The following CNR2 variants were observed in gnomAD, a reference collection of about 807,000 sequenced individuals.
CNR2 encodes the protein cannabinoid receptor 2.
For missense variants in CNR2, 379 were observed against 439.9 expected (o/e 0.86, Z 1.24); for synonymous variants, 172 against 182.2 (o/e 0.94, Z 0.45).
At chr1:23,894,460 GGAAGGAAGCAAGGAAGGAA>G (rs1346083524) in intron 1 of CNR2, among the ~76,000 whole-genome samples, 3 of 5,600 alleles carry the variant, frequency 5.4e-4, no homozygotes, top group African/African-American at 1.6e-3. Context: ...AAGGAAGGAA[GGAAGGAAGCAAGGAAGGAA>G]GGAAGCTAGG....
chr1:23,910,962 C>A (rs1356130596), intron 1 of CNR2, among the ~76,000 whole-genome samples: 1 of 152,110 alleles, frequency 6.6e-6, no homozygotes, highest in African/African-American at 2.4e-5. Context: ...CTGAGCAAGT[C>A]AACACTGCTG....
At chr1:23,906,786 A>G (rs1490842453) in intron 1 of CNR2, among the ~76,000 whole-genome samples, 2 of 151,894 alleles carry the variant, frequency 1.3e-5, no homozygotes, top group Non-Finnish European at 2.9e-5. Flanking sequence ...CAGCTACTTG[A>G]CAGACTCAGA....
At chr1:23,904,496 A>G (rs1226142600) in intron 1 of CNR2, among the ~76,000 whole-genome samples, 1 of 152,096 alleles carries the variant, frequency 6.6e-6, no homozygotes, top group Non-Finnish European at 1.5e-5. Context: ...TATAACAAGA[A>G]CTAAAAGGCC....
In CNR2 at chr1:23,874,873, G is replaced by T; in HGVS notation, c.745C>A (p.Leu249Ile). Residue 249 changes from leucine to isoleucine, a missense_variant, in exon 2 of 2, where the codon CTA (leucine) becomes ATA (isoleucine). By Grantham distance (5) the Leu-to-Ile change is conservative. Coordinates refer to ENST00000374472, the MANE Select transcript of CNR2 (RefSeq NM_001841.3). The part of the protein sequence containing the change: ...LDVRLAKTLG[L>I]VLAVLLICWF... ...CAGATGAGGAGCACAGCCAACACTA[G>T]CCCTAGGGTCTTGGCCAACCTCACA... The T allele has an allele frequency of 6.2e-7, 1 of 1,614,162 alleles. No homozygotes were observed. The highest frequency in any genetic ancestry group is 1.3e-5 in the African/African-American group (1 of 75,046).
chr1:23,890,888 T>A (rs1043976264), intron 1 of CNR2, among the ~76,000 whole-genome samples: 1 of 150,646 alleles, frequency 6.6e-6, no homozygotes, highest in Non-Finnish European at 1.5e-5. Context: ...CTTCTTTTTT[T>A]TTTTTTTGAA....
chr1:23,900,749 G>A (rs1261935503), intron 1 of CNR2, among the ~76,000 whole-genome samples: 3 of 151,600 alleles, frequency 2.0e-5, no homozygotes, highest in African/African-American at 4.9e-5. Context: ...CAGGTGAACC[G>A]CCCGCCTTGG....
chr1:23,907,573 C>A (rs911318862), intron 1 of CNR2, among the ~76,000 whole-genome samples: 2 of 151,418 alleles, frequency 1.3e-5, no homozygotes, highest in Non-Finnish European at 3.0e-5. Flanking sequence ...TCACTGCAAC[C>A]TCTGCCGCCC....
At chr1:23,902,626 C>G in intron 1 of CNR2, 1 of 1,600,126 alleles carries the variant, frequency 6.2e-7, no homozygotes, top group Non-Finnish European at 8.5e-7. Context: ...ACAGCCAGGA[C>G]GTACTTGTGG....
At chr1:23,887,819 TAA>T (rs55811335) in intron 1 of CNR2, among the ~76,000 whole-genome samples, 5 of 151,314 alleles carry the variant, frequency 3.3e-5, no homozygotes, top group Admixed American at 6.6e-5. Flanking sequence ...TAACCAAGGC[TAA>T]AAAAAAAATT....
chr1:23,879,355 C>T (rs1337230479), intron 1 of CNR2, among the ~76,000 whole-genome samples: 1 of 152,144 alleles, frequency 6.6e-6, no homozygotes, highest in East Asian at 1.9e-4. Flanking sequence ...TGGCTCATGC[C>T]TGAAATCCTG....
intron 1 of CNR2, among the ~76,000 whole-genome samples, chr1:23,884,182 C>T (rs536120417): frequency 5.0e-4 from 76 of 151,292 alleles, no homozygotes; most frequent in African/African-American, 1.7e-3. Flanking sequence ...CGAGTTAAAG[C>T]GATTCTTGTG....
intron 1 of CNR2, among the ~76,000 whole-genome samples, chr1:23,907,500 CT>C (rs1277372035): frequency 2.0e-5 from 3 of 146,716 alleles, no homozygotes; most frequent in South Asian, 2.3e-4. Context: ...ATTTTCTTTT[CT>C]TTTTTTTGAG....
intron 1 of CNR2, among the ~76,000 whole-genome samples, chr1:23,890,779 C>T (rs1640177254): frequency 6.7e-6 from 1 of 150,292 alleles, no homozygotes; most frequent in African/African-American, 2.4e-5. Flanking sequence ...CAAAGTGACC[C>T]TCTTGACCTG....
chr1:23,887,074 T>G (rs566425062), intron 1 of CNR2, among the ~76,000 whole-genome samples: 1 of 152,144 alleles, frequency 6.6e-6, no homozygotes, highest in African/African-American at 2.4e-5. Flanking sequence ...CCTGGTTAAT[T>G]TTTGTATTTT....
chr1:23,877,897 A>G (rs1639915433), intron 1 of CNR2, among the ~76,000 whole-genome samples: 1 of 151,288 alleles, frequency 6.6e-6, no homozygotes. Context: ...GGATGCAAAG[A>G]TTGCAGTGAG....
intron 1 of CNR2, among the ~76,000 whole-genome samples, chr1:23,904,841 A>G (rs1640461322): frequency 6.6e-6 from 1 of 152,232 alleles, no homozygotes; most frequent in Non-Finnish European, 1.5e-5. Context: ...TCTCTAAAGC[A>G]GGAGTAAGAC....
intron 1 of CNR2, among the ~76,000 whole-genome samples, chr1:23,882,940 G>T (rs1640018634): frequency 6.6e-6 from 1 of 152,044 alleles, no homozygotes; most frequent in Admixed American, 6.6e-5. Flanking sequence ...GCAGAAGACA[G>T]AAATAATAAG....
chr1:23,896,577 G>A (rs1412592137), intron 1 of CNR2, among the ~76,000 whole-genome samples: 1 of 152,218 alleles, frequency 6.6e-6, no homozygotes, highest in East Asian at 1.9e-4. Flanking sequence ...TGAGAGTGAC[G>A]ATGTCATCTC....
chr1:23,902,761 CG>C, intron 1 of CNR2: 9 of 1,504,610 alleles, frequency 6.0e-6, no homozygotes, highest in Non-Finnish European at 7.9e-6. Flanking sequence ...TGGGGCTCTC[CG>C]GGTGGTTGTT....
Sources: allele counts gnomAD v4.1 joint callset (sites outside exome capture counted in the v4.1 genomes callset), GRCh38; gene constraint gnomAD v4.1.1; transcripts MANE v1.5; gene names NCBI Gene and HGNC (gene_info 2026-07-23, HGNC 2026-07-21).